The following DDHD2 variants were observed in gnomAD, a reference collection of about 807,000 sequenced individuals.
DDHD2 encodes the protein triacylglycerol hydrolase DDHD2.
A neutral mutation model predicts 91.2 loss-of-function variants in DDHD2; 62 were observed. The observed-to-expected ratio is 0.68, with a 90% confidence interval of 0.55 to 0.84. The LOEUF (loss-of-function observed/expected upper bound fraction) is 0.84, where lower values mean the gene tolerates loss of function less well. DDHD2 is among the 40% of genes least tolerant of loss of function. DDHD2 has a pLI of 0.00. For synonymous variants in DDHD2, 271 were observed against 293.9 expected, an observed-to-expected ratio of 0.92 and a Z score of 0.80; for missense variants, 740 against 846.9, an observed-to-expected ratio of 0.87 and a Z score of 1.57.
chr8:38,255,149 A>G (rs1806409533), intron 16 of DDHD2, among the ~76,000 whole-genome samples: 1 of 147,580 alleles, frequency 6.8e-6, no homozygotes, highest in Non-Finnish European at 1.5e-5. Context: ...GAGCGAGATC[A>G]CGGCCACCGC....
At chr8:38,249,359 C>T (rs774321557) in intron 10 of DDHD2, among the ~76,000 whole-genome samples, 2 of 151,976 alleles carry the variant, frequency 1.3e-5, no homozygotes, top group Non-Finnish European at 2.9e-5. Context: ...GCCTCGGCCT[C>T]CCAAAGTGCT....
At chr8:38,244,653 C>T (rs1246258915) in intron 7 of DDHD2, among the ~76,000 whole-genome samples, 1 of 152,020 alleles carries the variant, frequency 6.6e-6, no homozygotes, top group Non-Finnish European at 1.5e-5. Context: ...GCAACTTCCG[C>T]CTCCTGGGTT....
downstream of DDHD2, chr8:38,265,670 C>T (rs7007097): frequency 0.2 from 29,765 of 152,282 alleles, 3,192 homozygotes; most frequent in East Asian, 0.31. Context: ...ACAGGTGATC[C>T]GCCTGCCTCA....
intron 6 of DDHD2, chr8:38,241,903 A>T (rs916222200): frequency 5.3e-6 from 1 of 188,636 alleles, no homozygotes; most frequent in Non-Finnish European, 1.1e-5. Context: ...AAAATACAAA[A>T]ATTAGCTGGG....
chr8:38,244,638 T>A (rs982386932), intron 7 of DDHD2, among the ~76,000 whole-genome samples: 5 of 151,876 alleles, frequency 3.3e-5, no homozygotes, highest in Non-Finnish European at 7.4e-5. Flanking sequence ...CAATTTCGGC[T>A]CACTGCAACT....
downstream of DDHD2, chr8:38,263,663 T>G: frequency 2.0e-6 from 2 of 985,438 alleles, no homozygotes; most frequent in Non-Finnish European, 2.4e-6. Context: ...TATTTAAGGC[T>G]TGATGGAATT....
In DDHD2 at chr8:38,249,737, A is replaced by T; in HGVS notation, c.1278A>T (p.Glu426Asp). The T allele has an allele frequency of 6.2e-6, 10 of 1,611,484 alleles. No homozygotes were observed. Among genetic ancestry groups the T allele is most frequent in the Non-Finnish European group, 8.5e-6 (10 of 1,178,270 alleles). ...LALCTDRDLQ[E>D]IGIPLGPRKK... The stretch of plus-strand genomic sequence containing the variant: ...TATGTACAGACCGAGATCTTCAGGA[A>T]ATAGGAATTCCTTTAGGACCAAGAA... Residue 426 changes from glutamate to aspartate, a missense_variant, in exon 11 of 18, where the codon GAA (glutamate) becomes GAT (aspartate). By Grantham distance (45) the Glu-to-Asp change is conservative. Around this residue, in one of 2 missense-constraint regions of DDHD2, gnomAD observed 693 missense variants for 764.2 expected, o/e 0.91. Transcript: ENST00000397166.
intron 17 of DDHD2, 195 bp from the exon 18 acceptor site, chr8:38,260,400 AAACTC>A (rs1269566920): frequency 3.1e-6 from 1 of 324,354 alleles, no homozygotes. Context: ...TTTAGGATCT[AAACTC>A]AGAGTTTTAA....
At position 38,233,190 on chromosome 8, in the gene DDHD2, C is replaced by T; in HGVS notation, c.196C>T (p.Gln66Ter). 1 of 1,613,900 alleles carries T rather than the reference C, an allele frequency of 6.2e-7. No individual in the cohort carries two copies. The highest frequency in any genetic ancestry group is 8.5e-7 in the Non-Finnish European group (1 of 1,179,826). Residue 66 changes from glutamine (Q) to a stop codon, truncating the protein, a stop_gained, in exon 2 of 18, where the codon CAG becomes TAG. Coordinates refer to ENST00000397166, the MANE Select transcript of DDHD2 (RefSeq NM_015214.3). LOFTEE classifies it high-confidence loss of function. Reference protein sequence around the residue: ...WIPFNSEDSQQLEEAYSSGKG... With the variant: ...WIPFNSEDSQ ...TCCTTTCAACTCTGAGGATTCACAG[C>T]AGCTGGAAGAGGCATATAGCTCTGG...
intron 1 of DDHD2, chr8:38,268,203 C>T: frequency 9.2e-7 from 1 of 1,083,470 alleles, no homozygotes; most frequent in Non-Finnish European, 1.3e-6. Context: ...TGCCGTGTAG[C>T]CTGCGTAACC....
At chr8:38,269,003 AAAG>A in intron 1 of DDHD2, 4 of 1,571,224 alleles carry the variant, frequency 2.5e-6, no homozygotes, top group Non-Finnish European at 3.4e-6. Flanking sequence ...AGAGGGGAAC[AAAG>A]AAGCGCAGAG....
intron 16 of DDHD2, among the ~76,000 whole-genome samples, chr8:38,257,671 T>C (rs1159630221): frequency 6.7e-6 from 1 of 149,374 alleles, no homozygotes; most frequent in Non-Finnish European, 1.5e-5. Flanking sequence ...TATTTTTTTT[T>C]TTTTTTTTTT....
chr8:38,245,696 TA>T (rs1805582329), intron 7 of DDHD2, 45 bp from the exon 8 acceptor site: 2 of 1,509,404 alleles, frequency 1.3e-6, no homozygotes, highest in African/African-American at 2.7e-5. Context: ...AAGCAGCTAT[TA>T]AGTGTATTTA....
At chr8:38,270,502 T>C (rs1369659052) in intron 1 of DDHD2, 1 of 152,224 alleles carries the variant, frequency 6.6e-6, no homozygotes, top group Non-Finnish European at 1.5e-5. Context: ...AGTGGCAATA[T>C]AATTATCTTA....
rs553751463 is a variant in DDHD2, at chr8:38,242,457, G to A, written c.848+72G>A. The A allele has an allele frequency of 6.0e-5, 89 of 1,481,646 alleles. No homozygotes were observed. In the South Asian group the frequency reaches 6.8e-4, roughly 11 times the overall value. 91.8% of individuals were successfully genotyped at this position (1,481,646 alleles called of 1,614,324 possible). A position where few individuals can be genotyped will look rare whatever the true frequency, so the allele number is the denominator to read the frequency against. ...TCTGATCATTGCTATGCTTGGGGAC[G>A]TTTTTATGCTATAGCTGACTGAATA... On this transcript the variant is annotated intron_variant, in intron 7 of 17. Coordinates refer to ENST00000397166, the MANE Select transcript of DDHD2 (RefSeq NM_015214.3).
chr8:38,237,935 G>A (rs1484762903), intron 4 of DDHD2, among the ~76,000 whole-genome samples, 154 bp from the exon 5 acceptor site: 3 of 152,090 alleles, frequency 2.0e-5, no homozygotes, highest in Admixed American at 6.5e-5. Context: ...ATATTTTCAC[G>A]GTTCTCATTT....
chr8:38,235,481 G>C (rs1051177774), intron 3 of DDHD2, among the ~76,000 whole-genome samples: 3 of 152,018 alleles, frequency 2.0e-5, no homozygotes, highest in Non-Finnish European at 4.4e-5. Flanking sequence ...CAGCAGTTTG[G>C]GGGGCTGAGG....
At chr8:38,257,735 G>A (rs138351478) in intron 16 of DDHD2, among the ~76,000 whole-genome samples, 848 of 148,578 alleles carry the variant, frequency 5.7e-3, no homozygotes, top group South Asian at 0.017. Flanking sequence ...TGTGATCTCG[G>A]CTCACTGCAA....
At chr8:38,257,043 T>G (rs1806563830) in intron 16 of DDHD2, among the ~76,000 whole-genome samples, 1 of 151,544 alleles carries the variant, frequency 6.6e-6, no homozygotes. Context: ...CATCTCAGCC[T>G]CCTGAGCAGC....
Sources: allele counts gnomAD v4.1 joint callset (sites outside exome capture counted in the v4.1 genomes callset), GRCh38; gene constraint gnomAD v4.1.1; regional missense constraint gnomAD v4.1.1; transcripts MANE v1.5; gene names NCBI Gene and HGNC (gene_info 2026-07-23, HGNC 2026-07-21).